The following SP140 variants were observed in gnomAD, a reference collection of about 807,000 sequenced individuals.
SP140 encodes nuclear body protein SP140.
A neutral mutation model predicts 125.0 loss-of-function variants in SP140; 81 were observed. That is an observed-to-expected ratio of 0.65 (90% CI 0.54 to 0.78). The LOEUF is 0.78. SP140 is among the 30% of genes least tolerant of loss of function. SP140 has a pLI of 0.00. For synonymous variants in SP140, 312 were observed against 354.0 expected, an observed-to-expected ratio of 0.88 and a Z score of 1.33; for missense variants, 858 against 1,037.0, an observed-to-expected ratio of 0.83 and a Z score of 2.37.
chr2:230,198,039 C>A, the SP140 span, among the ~76,000 whole-genome samples: 36 of 152,178 alleles, frequency 2.4e-4, no homozygotes, highest in South Asian at 2.1e-4. Flanking sequence ...ACAAATGAAA[C>A]CAAATTTTGG....
At chr2:230,283,546 T>A (rs1295703277) in intron 15 of SP140, among the ~76,000 whole-genome samples, 1 of 152,038 alleles carries the variant, frequency 6.6e-6, no homozygotes, top group African/African-American at 2.4e-5. Context: ...TCAAGATAGG[T>A]CTACAGAACA....
chr2:230,310,451 G>T (rs1256411168), intron 23 of SP140: 2 of 624,898 alleles, frequency 3.2e-6, no homozygotes, highest in Non-Finnish European at 5.4e-6. Flanking sequence ...CTGAAACTCA[G>T]GCCTGACAGA....
intron 11 of SP140, among the ~76,000 whole-genome samples, chr2:230,253,905 C>G (rs752818632): frequency 7.2e-5 from 11 of 152,112 alleles, no homozygotes; most frequent in Middle Eastern, 3.2e-3. Flanking sequence ...TTTACAGCCC[C>G]TGCGTAAACG....
chr2:230,309,387 C>A (rs923078424), intron 22 of SP140, among the ~76,000 whole-genome samples: 1 of 152,050 alleles, frequency 6.6e-6, no homozygotes, highest in African/African-American at 2.4e-5. Flanking sequence ...GTCCTTCCCC[C>A]TCAGAGGTCG....
intron 15 of SP140, among the ~76,000 whole-genome samples, chr2:230,280,186 T>A (rs1224936690): frequency 6.6e-6 from 1 of 152,210 alleles, no homozygotes; most frequent in African/African-American, 2.4e-5. Flanking sequence ...CTTGTTGCTT[T>A]ACTTTAAATA....
intron 20 of SP140, among the ~76,000 whole-genome samples, chr2:230,294,044 A>G (rs929496019): frequency 1.2e-4 from 18 of 152,228 alleles, no homozygotes; most frequent in African/African-American, 4.3e-4. Flanking sequence ...TTAGGAAAGA[A>G]GCACAAGAGA....
the SP140 span, among the ~76,000 whole-genome samples, chr2:230,193,155 G>C: frequency 3.9e-5 from 6 of 152,032 alleles, no homozygotes. Context: ...TGTTTTATCT[G>C]ATATGAGAAA....
intron 22 of SP140, among the ~76,000 whole-genome samples, chr2:230,299,161 C>T (rs1004440138): frequency 6.6e-6 from 1 of 152,168 alleles, no homozygotes; most frequent in Non-Finnish European, 1.5e-5. Flanking sequence ...GCTCCAAGAA[C>T]CACTGCAGGA....
At chr2:230,279,925 TG>T in intron 15 of SP140, among the ~76,000 whole-genome samples, 1 of 151,594 alleles carries the variant, frequency 6.6e-6, no homozygotes, top group East Asian at 1.9e-4. Context: ...TAAACCAAGG[TG>T]TTTTTTTTTT....
At chr2:230,271,193 G>T (rs2053868792) in intron 15 of SP140, among the ~76,000 whole-genome samples, 1 of 152,202 alleles carries the variant, frequency 6.6e-6, no homozygotes, top group African/African-American at 2.4e-5. Flanking sequence ...GTGGTAATTT[G>T]TTATGGCAGC....
intron 3 of SP140, chr2:230,216,845 T>C: frequency 2.5e-6 from 4 of 1,614,148 alleles, no homozygotes; most frequent in Non-Finnish European, 3.4e-6. Context: ...AAATGGCTTG[T>C]GTATGGCATA....
chr2:230,210,949 A>C (rs1025963376), intron 1 of SP140, among the ~76,000 whole-genome samples: 1 of 152,166 alleles, frequency 6.6e-6, no homozygotes, highest in Non-Finnish European at 1.5e-5. Flanking sequence ...TGGAAGGAGG[A>C]CCATCCATGT....
intron 19 of SP140, 125 bp from the exon 20 acceptor site, chr2:230,292,521 G>A: frequency 3.1e-6 from 4 of 1,291,326 alleles, no homozygotes; most frequent in Non-Finnish European, 4.4e-6. Flanking sequence ...GAGAGGGAAG[G>A]CCAGACTCTC....
chr2:230,204,508 TC>T (rs2043541407), intron 1 of SP140, among the ~76,000 whole-genome samples: 1 of 152,162 alleles, frequency 6.6e-6, no homozygotes, highest in Non-Finnish European at 1.5e-5. Flanking sequence ...GCCCATAATG[TC>T]TATGACCCCT....
chr2:230,304,654 G>A (rs558505027), intron 22 of SP140, among the ~76,000 whole-genome samples: 5 of 152,240 alleles, frequency 3.3e-5, no homozygotes, highest in Admixed American at 6.5e-5. Flanking sequence ...AAGCATAAAG[G>A]GGGAAAGGAC....
the SP140 span, among the ~76,000 whole-genome samples, chr2:230,194,433 A>G: frequency 6.6e-6 from 1 of 152,030 alleles, no homozygotes; most frequent in East Asian, 1.9e-4. Context: ...GACCTGGTCT[A>G]TACAAAAAAT....
chr2:230,270,907 T>C, intron 15 of SP140: 1 of 504,862 alleles, frequency 2.0e-6, no homozygotes. Flanking sequence ...CAATCTAATC[T>C]TGTAGGCCTT....
chr2:230,246,763 C>G (rs1183149372), intron 7 of SP140, among the ~76,000 whole-genome samples: 2 of 151,896 alleles, frequency 1.3e-5, no homozygotes, highest in Non-Finnish European at 2.9e-5. Context: ...AGGAGATAAG[C>G]TTGATTATTA....
chr2:230,253,352 C>T lies in SP140; in HGVS notation c.1094C>T (p.Thr365Ile). The change falls in exon 11 of 27, where the codon ACT (threonine) becomes ATT (isoleucine). Residue 365 changes from threonine (T) to isoleucine (I), a missense_variant. Around this residue, in one of 4 missense-constraint regions of SP140, gnomAD observed 791 missense variants for 869.5 expected, o/e 0.91. Transcript: ENST00000392045. Reference sequence around the variant, plus strand: ...TCTGCAGAGACCTTTGATCTAAAGACTCCCCAAGTCACTAATGAAGGAGAA... The same window carrying T: ...TCTGCAGAGACCTTTGATCTAAAGATTCCCCAAGTCACTAATGAAGGAGAA... ...CLSAETFDLK[T>I]PQVTNEGEPE... The T allele has an allele frequency of 6.2e-7, 1 of 1,612,496 alleles. No homozygotes were observed. Among genetic ancestry groups the T allele is most frequent in the South Asian group, 1.1e-5 (1 of 91,050 alleles).
Sources: gnomAD v4.1 joint callset for allele counts (sites outside exome capture counted in the v4.1 genomes callset) on GRCh38, gnomAD v4.1.1 for gene constraint, gnomAD v4.1.1 regional missense constraint, MANE v1.5 for transcripts, NCBI Gene and HGNC (gene_info 2026-07-23, HGNC 2026-07-21) for gene names.